Variants in PRKX observed in about 807,000 individuals in gnomAD.
PRKX encodes the protein protein kinase cAMP-dependent X-linked catalytic subunit, also known as cAMP-dependent protein kinase catalytic subunit PRKX.
PRKX carries 12 observed loss-of-function variants against 22.0 expected under a neutral mutation model. The ratio of observed to expected loss-of-function variants is 0.54; its 90% CI spans 0.35 to 0.88. The LOEUF (loss-of-function observed/expected upper bound fraction) is 0.88. PRKX is among the 40% of genes least tolerant of loss of function. The probability of loss-of-function intolerance (pLI) is 0.01; values close to 1 mark genes in which losing one functional copy is unlikely to be tolerated. For synonymous variants in PRKX, 134 were observed against 137.7 expected (o/e 0.97, Z 0.19); for missense variants, 217 against 308.0 (o/e 0.70, Z 2.21).
chrX:3,676,287 C>T (rs1927953329), intron 1 of PRKX, among the ~76,000 whole-genome samples: 1 of 111,985 alleles, frequency 8.9e-6, no homozygotes, highest in Non-Finnish European at 1.9e-5. Flanking sequence ...GAAGTGTATC[C>T]TTCTGAGGAA....
chrX:3,660,192 G>T (rs1196957856), intron 2 of PRKX, among the ~76,000 whole-genome samples: 1 of 111,664 alleles, frequency 9.0e-6, no homozygotes, highest in Non-Finnish European at 1.9e-5. Flanking sequence ...ATTTTCCAAG[G>T]TCCAAATACT....
chrX:3,623,503 CTA>C (rs942167201), intron 5 of PRKX, among the ~76,000 whole-genome samples: 2 of 111,115 alleles, frequency 1.8e-5, no homozygotes, highest in African/African-American at 3.3e-5. Flanking sequence ...CTGCAGTGAG[CTA>C]TGATTGTGCC....
chrX:3,647,579 T>A (rs1445290254), intron 3 of PRKX, among the ~76,000 whole-genome samples: 1 of 106,066 alleles, frequency 9.4e-6, no homozygotes, highest in Non-Finnish European at 1.9e-5. Flanking sequence ...ATTTAATATA[T>A]TAAAGAGATA....
At chrX:3,645,685 C>T (rs963602691) in intron 3 of PRKX, among the ~76,000 whole-genome samples, 11 of 112,464 alleles carry the variant, frequency 9.8e-5, no homozygotes, top group African/African-American at 2.9e-4. Flanking sequence ...ATAATCTCAA[C>T]GCTTTGGGAG....
Position 3,668,805 on chromosome X carries a change from T to C in PRKX, c.335+5793A>G, listed in dbSNP as rs1392174296. On this transcript the variant is annotated intron_variant, in intron 2 of 8. Coordinates refer to ENST00000262848, the MANE Select transcript of PRKX (RefSeq NM_005044.5). ...ATCAATCATGACAGAAGAGTGGGGCTGCAGGCTCAGGGGCTGGGGCAGAAA... is the reference window on the plus strand; with the variant it reads ...ATCAATCATGACAGAAGAGTGGGGCCGCAGGCTCAGGGGCTGGGGCAGAAA... Among the ~76,000 whole-genome samples, 4 of 112,549 alleles carry C rather than the reference T, an allele frequency of 3.6e-5. No homozygotes were observed. The East Asian group carries it at 1.1e-3, about 31-fold the overall frequency.
chrX:3,658,632 G>A (rs146704506), intron 2 of PRKX, among the ~76,000 whole-genome samples: 16 of 110,622 alleles, frequency 1.4e-4, no homozygotes, highest in African/African-American at 4.9e-4. Flanking sequence ...CAGCATGCCC[G>A]TGTTCCCATG....
chrX:3,703,781 C>A (rs1409708836), intron 1 of PRKX, among the ~76,000 whole-genome samples: 2 of 105,413 alleles, frequency 1.9e-5, no homozygotes, highest in Admixed American at 1.0e-4. Flanking sequence ...AAGTGATTCT[C>A]CTGCCTCAGC....
At position 3,693,781 on chromosome X, in the gene PRKX, C is replaced by CA. The variant is rs146982456; in HGVS notation, c.167-19016dup. 2.9e-3 allele frequency among the ~76,000 whole-genome samples: 309 copies of CA among 105,920 alleles called. 1 individual carries two copies. The highest frequency in any genetic ancestry group is 0.01 in the African/African-American group (292 of 29,111). 92.0% of individuals were successfully genotyped at this position (105,920 alleles called of 115,157 possible). ...TGAAACCGCGTCTCTACTAAAAATACAAAAAAAAATTAGCCGGGTGTGGTG... is the reference window on the plus strand; with the variant it reads ...TGAAACCGCGTCTCTACTAAAAATACAAAAAAAAAATTAGCCGGGTGTGGTG... On this transcript the variant is annotated intron_variant, in intron 1 of 8. Transcript: ENST00000262848.
chrX:3,678,570 T>C (rs1186660449), intron 1 of PRKX, among the ~76,000 whole-genome samples: 2 of 112,424 alleles, frequency 1.8e-5, no homozygotes, highest in African/African-American at 3.2e-5. Context: ...ACGTTACTTA[T>C]GCACTGCAGC....
intron 1 of PRKX, among the ~76,000 whole-genome samples, chrX:3,689,711 C>CGGG (rs1928263153): frequency 8.9e-6 from 1 of 111,810 alleles, no homozygotes; most frequent in African/African-American, 3.2e-5. Flanking sequence ...GGCGCGGTGG[C>CGGG]TCACACCTGT....
At chrX:3,650,292 C>T (rs1002500493) in intron 3 of PRKX, among the ~76,000 whole-genome samples, 4 of 108,549 alleles carry the variant, frequency 3.7e-5, no homozygotes, top group Non-Finnish European at 3.8e-5. Context: ...GAGGCCGAGG[C>T]GGGCGGATCA....
In PRKX at chrX:3,701,917, C is replaced by T. The variant is rs183450058; in HGVS notation, c.166+11171G>A. 1.1e-4 allele frequency among the ~76,000 whole-genome samples: 12 copies of T among 112,018 alleles called. No homozygotes were observed. The East Asian group carries it at 3.4e-3, about 32-fold the overall frequency. The stretch of plus-strand genomic sequence containing the variant: ...AAAAGGGGAGGCACGAATAATTCAC[C>T]TTTCGTTTACCATATAATCAAGAAA... On this transcript the variant is annotated intron_variant, in intron 1 of 8. Coordinates refer to ENST00000262848, the MANE Select transcript of PRKX (RefSeq NM_005044.5).
intron 4 of PRKX, among the ~76,000 whole-genome samples, chrX:3,637,037 GAAGGGAAGGGA>G (rs1448896176): frequency 2.0e-5 from 2 of 101,688 alleles, no homozygotes; most frequent in Non-Finnish European, 4.0e-5. Flanking sequence ...AGGAAAGGAA[GAAGGGAAGGGA>G]AAGGGAAGGG....
chrX:3,705,780 G>A (rs1175869071), intron 1 of PRKX, among the ~76,000 whole-genome samples: 2 of 105,016 alleles, frequency 1.9e-5, no homozygotes, highest in Non-Finnish European at 3.9e-5. Flanking sequence ...TCCACCTCCC[G>A]GGTTCATGCC....
At chrX:3,691,326 TCGC>T (rs1928319963) in intron 1 of PRKX, among the ~76,000 whole-genome samples, 1 of 111,394 alleles carries the variant, frequency 9.0e-6, no homozygotes, top group Non-Finnish European at 1.9e-5. Context: ...AAGCAAGAAC[TCGC>T]CGTGCCTCAA....
At chrX:3,712,390 G>C (rs1234552436) in intron 1 of PRKX, among the ~76,000 whole-genome samples, 2 of 111,860 alleles carry the variant, frequency 1.8e-5, no homozygotes, top group Non-Finnish European at 3.8e-5. Flanking sequence ...CAAGAGCACC[G>C]AGAACTCGAA....
intron 2 of PRKX, chrX:3,659,479 T>C (rs1442510365): frequency 9.0e-6 from 1 of 110,701 alleles, no homozygotes; most frequent in Admixed American, 9.7e-5. Flanking sequence ...CTCTCCACCT[T>C]GCTGCTGGAT....
chrX:3,691,088 C>A (rs1237683023), intron 1 of PRKX, among the ~76,000 whole-genome samples: 1 of 111,791 alleles, frequency 8.9e-6, no homozygotes, highest in African/African-American at 3.2e-5. Flanking sequence ...CCAGCTCAGT[C>A]GGACTAGGGT....
intron 1 of PRKX, among the ~76,000 whole-genome samples, chrX:3,701,939 G>C (rs770591202): frequency 4.0e-4 from 45 of 112,150 alleles, no homozygotes; most frequent in African/African-American, 1.4e-3. Context: ...ATATAATCAA[G>C]AAATAGCCAT....
Sources: allele counts gnomAD v4.1 joint callset (sites outside exome capture counted in the v4.1 genomes callset), GRCh38; gene constraint gnomAD v4.1.1; transcripts MANE v1.5; gene names NCBI Gene and HGNC (gene_info 2026-07-23, HGNC 2026-07-21).